ANO7: variants seen among roughly 807,000 people sequenced by gnomAD.
The protein encoded by ANO7 is anoctamin-7.
Under a neutral mutation model 115.8 loss-of-function variants are expected in ANO7, and 114 were observed. The observed-to-expected ratio is 0.98, with a 90% CI of 0.85 to 1.15. The LOEUF is 1.15. Ranked by LOEUF, ANO7 falls within the 50% of genes most tolerant of loss-of-function variation. The pLI, the probability that ANO7 is intolerant of heterozygous loss-of-function variation, is 0.00. For missense variants in ANO7, 1,302 were observed against 1,201.2 expected (o/e 1.08, Z -1.24); for synonymous variants, 550 against 498.2 (o/e 1.10, Z -1.38).
At chr2:241,216,996 G>T (rs1015004016) in intron 19 of ANO7, among the ~76,000 whole-genome samples, 2 of 152,150 alleles carry the variant, frequency 1.3e-5, no homozygotes. Flanking sequence ...ACCACGCCCG[G>T]CTAATTTTGT....
Position 241,210,009 on chromosome 2 carries a change from A to G in ANO7, c.1360-286A>G, listed in dbSNP as rs1018301184. 2.6e-5 allele frequency among the ~76,000 whole-genome samples: 4 copies of G among 152,326 alleles called. No homozygotes were observed. The East Asian group carries it at 7.7e-4, about 29-fold the overall frequency. ...TCACTCCCCTGCCAAGATGTCAGGAATCCCCAATTCCTGGGATGGGATGGC... is the reference window on the plus strand; with the variant it reads ...TCACTCCCCTGCCAAGATGTCAGGAGTCCCCAATTCCTGGGATGGGATGGC... On this transcript the variant is annotated intron_variant, in intron 13 of 24. Coordinates refer to ENST00000674324, the MANE Select transcript of ANO7 (RefSeq NM_001370694.2).
At chr2:241,193,584 G>A (rs926829190) in intron 3 of ANO7, among the ~76,000 whole-genome samples, 3 of 151,774 alleles carry the variant, frequency 2.0e-5, no homozygotes, top group East Asian at 1.9e-4. Flanking sequence ...AGATACAATC[G>A]TTTTAAACTT....
Position 241,202,219 on chromosome 2 carries a change from C to T in ANO7, c.638C>T (p.Pro213Leu), listed in dbSNP as rs764530986. ...QILFEILAKTPYGHEKKNLLG... is the reference protein window; with the variant it reads ...QILFEILAKTLYGHEKKNLLG... ...CTGTTTGAGATCCTGGCCAAGACCC[C>T]GTATGGCCACGAGAAGAAAAACCTG... is the stretch of plus-strand genomic sequence containing the variant. The change falls in exon 8 of 25, where the codon CCG (proline) becomes CTG (leucine). Residue 213 changes from proline (P) to leucine (L), a missense_variant. By Grantham distance (98) the Pro-to-Leu change is moderately conservative (BLOSUM62 -3). Transcript: ENST00000674324. 15 of 1,613,704 alleles carry T rather than the reference C, an allele frequency of 9.3e-6. No individual in the cohort carries two copies. The highest frequency in any genetic ancestry group is 4.0e-5 in the African/African-American group (3 of 74,938).
chr2:241,240,062 C>G, the ANO7 span: 4 of 1,614,176 alleles, frequency 2.5e-6, no homozygotes, highest in South Asian at 2.2e-5. The surrounding 1 kb of genome is among the most constrained non-coding windows in gnomAD (Gnocchi z 5.5). Flanking sequence ...CCCCCCTTGC[C>G]GATGAGGAAT....
At position 241,189,785 on chromosome 2, in the gene ANO7, C is replaced by T. The variant is rs59764242; in HGVS notation, c.-7-272C>T. On this transcript the variant is annotated intron_variant, in intron 1 of 24. Coordinates refer to ENST00000674324, the MANE Select transcript of ANO7 (RefSeq NM_001370694.2). ...GGACGGCATTCAGGGCTGGGGGACA[C>T]GGGCACTCACTGGATGGACAGACAG... 9.2e-5 allele frequency among the ~76,000 whole-genome samples: 14 copies of T among 152,272 alleles called. No individual in the cohort carries two copies. The East Asian group carries it at 1.4e-3, about 15-fold the overall frequency.
At position 241,188,771 on chromosome 2, in the gene ANO7, G is replaced by A; in HGVS notation, c.-8+5G>A. On this transcript the variant is annotated splice_donor_5th_base_variant and intron_variant, in intron 1 of 24. Coordinates refer to ENST00000674324, the MANE Select transcript of ANO7 (RefSeq NM_001370694.2). This position sits in a 1 kb window ranked among gnomAD's most constrained non-coding sequence, Gnocchi z 4.3. ...TTCCGGAAGCCACTGTGCCAGGTGG[G>A]GACCCAGCCTAGACGTGTGGGCCAC... The A allele has an allele frequency of 1.9e-6, 3 of 1,612,678 alleles. No homozygotes were observed. Among genetic ancestry groups the A allele is most frequent in the South Asian group, 1.1e-5 (1 of 91,008 alleles).
chr2:241,189,623 C>T (rs990034414), intron 1 of ANO7, among the ~76,000 whole-genome samples: 2 of 152,064 alleles, frequency 1.3e-5, no homozygotes, highest in African/African-American at 4.8e-5. Flanking sequence ...AGGCCATGAG[C>T]GAAGGCAGGC....
At chr2:241,230,933 T>C (rs762439851), downstream of ANO7, 8 of 1,613,008 alleles carry the variant, frequency 5.0e-6, no homozygotes, top group Non-Finnish European at 6.8e-6. This position sits in a 1 kb window ranked among gnomAD's most constrained non-coding sequence, Gnocchi z 5.0. Context: ...TGATGGTAAT[T>C]TGGTCCTGGG....
chr2:241,203,581 C>A lies in ANO7; in HGVS notation c.889+83C>A. On this transcript the variant is annotated intron_variant, in intron 9 of 24. Transcript: ENST00000674324. The surrounding 1 kb of genome is among the most constrained non-coding windows in gnomAD (Gnocchi z 4.8). ...TGTAACAATTTGCCAGTCCGTACCC[C>A]TGGAGGGCAGCGTGCGTGGGGGCCT... 9.2e-7 allele frequency: 1 copy of A among 1,087,840 alleles called. No individual in the cohort carries two copies. The highest frequency in any genetic ancestry group is 1.7e-5 in the African/African-American group (1 of 60,428). 67.4% of individuals were successfully genotyped at this position (1,087,840 alleles called of 1,614,324 possible).
At chr2:241,199,501 A>G in intron 5 of ANO7, 78 bp downstream of exon 5, 1 of 1,439,394 alleles carries the variant, frequency 6.9e-7, no homozygotes, top group Non-Finnish European at 9.7e-7. Flanking sequence ...CAGTGCCGAC[A>G]GCCTCAGGAG....
the ANO7 span, chr2:241,235,484 G>T: frequency 1.2e-6 from 2 of 1,608,932 alleles, no homozygotes; most frequent in East Asian, 4.5e-5. Context: ...CGGGAAAGGG[G>T]TCTACCTCAA....
chr2:241,217,949 G>GCGCGCA (rs2068882220), intron 20 of ANO7, 58 bp downstream of exon 20: 1 of 168,142 alleles, frequency 5.9e-6, no homozygotes, highest in East Asian at 3.0e-4. Context: ...GGGGGCGGGG[G>GCGCGCA]GGGCAGCGGG....
chr2:241,221,081 TA>T (rs1055413382), intron 21 of ANO7, among the ~76,000 whole-genome samples: 7 of 152,006 alleles, frequency 4.6e-5, no homozygotes, highest in African/African-American at 1.4e-4. Context: ...ATTTTATTAT[TA>T]TTTTTTTGAG....
chr2:241,217,782 C>A lies in ANO7; in HGVS notation c.2069C>A (p.Ala690Glu), dbSNP rs773052325. ...LNNWVEIRLD[A>E]RKFVCEYRRP... is the part of the protein sequence containing the mutation. Reference sequence around the variant, plus strand: ...AACTGGGTGGAGATCCGCTTGGACGCGCGCAAGTTCGTCTGCGAGTACCGG... The same window carrying A: ...AACTGGGTGGAGATCCGCTTGGACGAGCGCAAGTTCGTCTGCGAGTACCGG... Residue 690 changes from alanine to glutamate, a missense_variant, in exon 20 of 25, where the codon GCG becomes GAG. Transcript: ENST00000674324. 1.9e-6 allele frequency: 3 copies of A among 1,609,984 alleles called. No homozygotes were observed. The highest frequency in any genetic ancestry group is 2.2e-5 in the East Asian group (1 of 44,810).
chr2:241,227,858 G>T (rs900684814), downstream of ANO7: 1 of 152,274 alleles, frequency 6.6e-6, no homozygotes, highest in East Asian at 1.9e-4. Context: ...GGAGTAGACA[G>T]ATCCCGGGAA....
the ANO7 span, chr2:241,236,594 G>GA: frequency 6.2e-7 from 1 of 1,611,242 alleles, no homozygotes; most frequent in Non-Finnish European, 8.5e-7. Flanking sequence ...GGGGGGTGGA[G>GA]GGGGGCACAT....
chr2:241,234,045 G>A, the ANO7 span: 14 of 1,498,422 alleles, frequency 9.3e-6, no homozygotes, highest in Non-Finnish European at 1.3e-5. Flanking sequence ...CCTGGTCATA[G>A]GACACTGGAG....
At chr2:241,230,471 G>T (rs2069607785), downstream of ANO7, among the ~76,000 whole-genome samples, 1 of 152,248 alleles carries the variant, frequency 6.6e-6, no homozygotes, top group African/African-American at 2.4e-5. The surrounding 1 kb of genome is among the most constrained non-coding windows in gnomAD (Gnocchi z 5.0). Flanking sequence ...CAGACAGAGG[G>T]CCGCAGCACG....
rs150946357 is a variant in ANO7, at chr2:241,188,700, G to A, written c.-74G>A. On this transcript the variant is annotated 5_prime_UTR_variant, in exon 1 of 25. Transcript: ENST00000674324. This position sits in a 1 kb window ranked among gnomAD's most constrained non-coding sequence, Gnocchi z 4.3. ...GCAGTGAGGACGGGACTCTACTGCC[G>A]AGACCAGGCTCACGCTGAGAGGTGG... 265 of 1,613,570 alleles carry A rather than the reference G, an allele frequency of 1.6e-4. 1 individual carries two copies. In the Admixed American group the frequency reaches 2.0e-3, roughly 12 times the overall value.
Sources: gnomAD v4.1 joint callset for allele counts (sites outside exome capture counted in the v4.1 genomes callset) on GRCh38, gnomAD v4.1.1 for gene constraint, Gnocchi (gnomAD v3.1) non-coding constraint, MANE v1.5 for transcripts, NCBI Gene and HGNC (gene_info 2026-07-23, HGNC 2026-07-21) for gene names.